Variants in TMEM74 observed in about 807,000 individuals in gnomAD.
TMEM74 encodes the protein transmembrane protein 74.
TMEM74 carries 13 observed loss-of-function variants against 18.1 expected under a neutral mutation model. That is an observed-to-expected ratio of 0.72 (90% confidence interval 0.47 to 1.14). The LOEUF (loss-of-function observed/expected upper bound fraction) is 1.14, where lower values mean the gene tolerates loss of function less well. TMEM74 is among the 50% of genes most tolerant of loss of function. The pLI is 0.00. For missense variants in TMEM74, 372 were observed against 375.9 expected, an observed-to-expected ratio of 0.99 and a Z score of 0.09; for synonymous variants, 159 against 146.6, an observed-to-expected ratio of 1.08 and a Z score of -0.61.
At chr8:108,730,420 C>A (rs1030452623) in intron 1 of TMEM74, among the ~76,000 whole-genome samples, 1 of 152,062 alleles carries the variant, frequency 6.6e-6, no homozygotes, top group Non-Finnish European at 1.5e-5. Flanking sequence ...AACTGCCTCT[C>A]GTCGACACAA....
At chr8:108,702,380 A>C (rs1432161733) in intron 1 of TMEM74, among the ~76,000 whole-genome samples, 1 of 151,764 alleles carries the variant, frequency 6.6e-6, no homozygotes, top group Non-Finnish European at 1.5e-5. Context: ...AAGCCTCAAA[A>C]TAAACCAACA....
chr8:108,722,929 C>T (rs907742420), intron 1 of TMEM74, among the ~76,000 whole-genome samples: 1 of 152,124 alleles, frequency 6.6e-6, no homozygotes, highest in African/African-American at 2.4e-5. Context: ...AGATCAGGTC[C>T]TTTGTTTACT....
intron 1 of TMEM74, among the ~76,000 whole-genome samples, chr8:108,687,571 A>G (rs1461444416): frequency 1.3e-5 from 2 of 151,930 alleles, no homozygotes; most frequent in African/African-American, 2.4e-5. Flanking sequence ...TAATTATACA[A>G]CTCACCATAA....
intron 1 of TMEM74, among the ~76,000 whole-genome samples, chr8:108,734,822 C>T (rs911867482): frequency 6.6e-6 from 1 of 152,174 alleles, no homozygotes; most frequent in African/African-American, 2.4e-5. Flanking sequence ...TGCTTATTAT[C>T]ACATTCAGGC....
At chr8:108,658,170 A>G (rs187193932) in intron 1 of TMEM74, among the ~76,000 whole-genome samples, 2 of 151,926 alleles carry the variant, frequency 1.3e-5, no homozygotes, top group African/African-American at 4.8e-5. Context: ...CAAACACTGG[A>G]TCATCGTGGT....
At chr8:108,750,769 G>A (rs1434188163) in intron 1 of TMEM74, among the ~76,000 whole-genome samples, 1 of 152,106 alleles carries the variant, frequency 6.6e-6, no homozygotes, top group African/African-American at 2.4e-5. Flanking sequence ...AGGGCACTGC[G>A]CATGTGGGCA....
chr8:108,728,836 A>G (rs1022510179), intron 1 of TMEM74, among the ~76,000 whole-genome samples: 1 of 152,230 alleles, frequency 6.6e-6, no homozygotes, highest in African/African-American at 2.4e-5. Context: ...TGAATGAATA[A>G]ATGCGTTAAG....
intron 2 of TMEM74, among the ~76,000 whole-genome samples, chr8:108,650,749 C>G (rs1236733417): frequency 6.6e-6 from 1 of 150,772 alleles, no homozygotes; most frequent in Non-Finnish European, 1.5e-5. Context: ...TTGCTCTTGT[C>G]CCCCAGGCTG....
intron 1 of TMEM74, among the ~76,000 whole-genome samples, chr8:108,695,993 C>T (rs774565672): frequency 3.9e-5 from 6 of 152,172 alleles, no homozygotes; most frequent in Admixed American, 6.5e-5. Flanking sequence ...GAATAATCTA[C>T]CCTGAAGCTA....
At chr8:108,667,482 A>G (rs983422964) in intron 1 of TMEM74, among the ~76,000 whole-genome samples, 18 of 152,170 alleles carry the variant, frequency 1.2e-4, no homozygotes, top group Admixed American at 6.6e-5. Context: ...AAAAACTCCA[A>G]AGATAATGGA....
intron 2 of TMEM74, among the ~76,000 whole-genome samples, chr8:108,617,442 T>C (rs1223435843): frequency 6.6e-6 from 1 of 152,146 alleles, no homozygotes. Context: ...CAGATGCTTT[T>C]GATTCTGGGG....
chr8:108,767,089 C>T (rs143621786), intron 1 of TMEM74, among the ~76,000 whole-genome samples: 121 of 152,290 alleles, frequency 7.9e-4, no homozygotes, highest in East Asian at 6.8e-3. Flanking sequence ...CCCTCACAGA[C>T]GCATCCTGGA....
intron 1 of TMEM74, among the ~76,000 whole-genome samples, chr8:108,682,352 C>T (rs1039901811): frequency 6.6e-6 from 1 of 152,044 alleles, no homozygotes; most frequent in Non-Finnish European, 1.5e-5. Flanking sequence ...TGTCACTTTT[C>T]AAAGAGATTT....
At chr8:108,627,007 A>G (rs1193093046) in intron 2 of TMEM74, among the ~76,000 whole-genome samples, 1 of 152,088 alleles carries the variant, frequency 6.6e-6, no homozygotes, top group Non-Finnish European at 1.5e-5. Flanking sequence ...AATCTTTAAT[A>G]TGCAAATTCT....
At chr8:108,712,211 G>C (rs1813481898) in intron 1 of TMEM74, among the ~76,000 whole-genome samples, 1 of 152,072 alleles carries the variant, frequency 6.6e-6, no homozygotes, top group African/African-American at 2.4e-5. Context: ...GAAAAATCAG[G>C]TATGAGCTTA....
chr8:108,643,628 C>A (rs1027726758), intron 2 of TMEM74, among the ~76,000 whole-genome samples: 3 of 151,934 alleles, frequency 2.0e-5, no homozygotes, highest in Non-Finnish European at 4.4e-5. Flanking sequence ...GTAATTCCAG[C>A]ACTTTGGGAG....
intron 1 of TMEM74, among the ~76,000 whole-genome samples, chr8:108,695,467 C>T (rs967560188): frequency 2.0e-5 from 3 of 152,128 alleles, no homozygotes; most frequent in Non-Finnish European, 4.4e-5. Flanking sequence ...TACCAGCATT[C>T]TTATTTCACT....
At chr8:108,740,793 T>G (rs573057707) in intron 1 of TMEM74, among the ~76,000 whole-genome samples, 35 of 152,336 alleles carry the variant, frequency 2.3e-4, no homozygotes, top group Admixed American at 2.2e-3. Context: ...CACTGTTTTA[T>G]AAAGCTGAAC....
intron 1 of TMEM74, among the ~76,000 whole-genome samples, chr8:108,736,450 G>A (rs1173732847): frequency 1.3e-5 from 2 of 152,078 alleles, no homozygotes; most frequent in African/African-American, 4.8e-5. Context: ...GTGATAATTA[G>A]ATGTTATTAG....
Sources: allele counts gnomAD v4.1 joint callset (sites outside exome capture counted in the v4.1 genomes callset), GRCh38; gene constraint gnomAD v4.1.1; transcripts MANE v1.5; gene names NCBI Gene and HGNC (gene_info 2026-07-23, HGNC 2026-07-21).